Variants in LAMA3 observed in about 807,000 individuals in gnomAD.
The protein encoded by LAMA3 is laminin subunit alpha-3.
Under a neutral mutation model 402.0 loss-of-function variants are expected in LAMA3, and 281 were observed. The observed-to-expected ratio is 0.70, with a 90% CI of 0.63 to 0.77. LAMA3 has a LOEUF of 0.77. Among genes scored for constraint, LAMA3 ranks in the 30% least tolerant of loss-of-function variants. The pLI is 0.00. For synonymous variants in LAMA3, 1,431 were observed against 1,558.4 expected (o/e 0.92, Z 1.93); for missense variants, 3,840 against 4,215.5 (o/e 0.91, Z 2.47).
intron 67 of LAMA3, 38 bp downstream of exon 67, chr18:23,933,973 C>T: frequency 1.9e-6 from 3 of 1,602,632 alleles, no homozygotes; most frequent in Non-Finnish European, 2.6e-6. Flanking sequence ...TCCCTCTTCC[C>T]TGGAGGATTC....
chr18:23,888,307 A>C (rs1238147951), intron 41 of LAMA3, among the ~76,000 whole-genome samples: 1 of 152,198 alleles, frequency 6.6e-6, no homozygotes, highest in Non-Finnish European at 1.5e-5. Context: ...GAAGATGAAT[A>C]TTTTGTCATG....
chr18:23,798,835 A>G (rs1156361469), intron 12 of LAMA3, among the ~76,000 whole-genome samples: 3 of 152,202 alleles, frequency 2.0e-5, no homozygotes, highest in Admixed American at 6.5e-5. Flanking sequence ...CATGGGCAAT[A>G]AGAGCATCCC....
chr18:23,846,570 G>C, intron 31 of LAMA3, 62 bp downstream of exon 31: 3 of 1,460,418 alleles, frequency 2.1e-6, no homozygotes, highest in Non-Finnish European at 2.8e-6. Context: ...ATGCTTACCA[G>C]GAGCAGGCTT....
At position 23,826,717 on chromosome 18, in the gene LAMA3, C is replaced by G; in HGVS notation, c.2587C>G (p.Leu863Val). The part of the protein sequence containing the change: ...EGVLLDYLVL[L>V]PRDYYEASVL... The stretch of plus-strand genomic sequence containing the variant: ...TATTTTCTAGGATTACCTGGTGCTG[C>G]TCCCCAGGGACTACTATGAAGCCTC... Residue 863 changes from leucine (L) to valine (V), a missense_variant, in exon 22 of 75, where the codon CTC becomes GTC. Physicochemically the swap from Leu to Val is conservative, Grantham distance 32. Transcript: ENST00000313654. 6.4e-7 allele frequency: 1 copy of G among 1,559,580 alleles called. No individual in the cohort carries two copies. Among genetic ancestry groups the G allele is most frequent in the Non-Finnish European group, 8.7e-7 (1 of 1,149,868 alleles).
intron 34 of LAMA3, among the ~76,000 whole-genome samples, chr18:23,859,317 A>G (rs2064159639): frequency 6.6e-6 from 1 of 152,186 alleles, no homozygotes; most frequent in South Asian, 2.1e-4. Flanking sequence ...TGATTCTCCC[A>G]GACACTCCGG....
intron 7 of LAMA3, among the ~76,000 whole-genome samples, chr18:23,762,457 C>T (rs2061988028): frequency 6.6e-6 from 1 of 151,444 alleles, no homozygotes; most frequent in African/African-American, 2.4e-5. Flanking sequence ...GGTGTGGTGG[C>T]TGGTGCCTGT....
At chr18:23,939,152 G>A (rs921260363) in intron 67 of LAMA3, 71 bp from the exon 68 acceptor site, 53 of 1,477,000 alleles carry the variant, frequency 3.6e-5, no homozygotes, top group Non-Finnish European at 4.4e-5. Flanking sequence ...TGAAAATTAA[G>A]CAATGTACTT....
chr18:23,726,307 C>T (rs969193020), intron 2 of LAMA3, among the ~76,000 whole-genome samples: 48 of 152,352 alleles, frequency 3.2e-4, no homozygotes, highest in Middle Eastern at 3.4e-3. Flanking sequence ...AGGGCAAGAG[C>T]GCCCAGCCAG....
intron 27 of LAMA3, among the ~76,000 whole-genome samples, chr18:23,840,850 A>AT (rs1193100237): frequency 6.6e-6 from 1 of 152,220 alleles, no homozygotes; most frequent in African/African-American, 2.4e-5. Flanking sequence ...TGAATTTCAG[A>AT]TTTTGGAATA....
intron 40 of LAMA3, among the ~76,000 whole-genome samples, chr18:23,882,575 A>G (rs1031379869): frequency 6.6e-6 from 1 of 150,596 alleles, no homozygotes. Flanking sequence ...GTACCACTGC[A>G]CTCCAGCCTG....
intron 29 of LAMA3, among the ~76,000 whole-genome samples, chr18:23,844,485 G>A (rs982690698): frequency 3.3e-5 from 5 of 152,206 alleles, no homozygotes; most frequent in African/African-American, 1.2e-4. Context: ...TTAAGGTCCC[G>A]TGACCCAGCC....
intron 22 of LAMA3, 76 bp from the exon 23 acceptor site, chr18:23,827,238 T>C: frequency 4.2e-6 from 6 of 1,440,914 alleles, no homozygotes; most frequent in Non-Finnish European, 5.9e-6. Context: ...TGAGAGTCTT[T>C]GGGGATGTAC....
chr18:23,740,159 C>T (rs1484026312), intron 2 of LAMA3, among the ~76,000 whole-genome samples: 9 of 152,086 alleles, frequency 5.9e-5, no homozygotes, highest in South Asian at 4.2e-4. Flanking sequence ...TGTTGGGTTC[C>T]GGCAGACCTC....
At position 23,747,962 on chromosome 18, in the gene LAMA3, T is replaced by C. The variant is rs780635647; in HGVS notation, c.467T>C (p.Ile156Thr). 6.2e-7 allele frequency: 1 copy of C among 1,603,812 alleles called. No homozygotes were observed. The highest frequency in any genetic ancestry group is 1.1e-5 in the South Asian group (1 of 90,862). ...DLGQLFHVAYILIKFANSPRP... is the reference protein window; with the variant it reads ...DLGQLFHVAYTLIKFANSPRP... ...TATCAGCTCTTCCATGTGGCCTATATTTTAATCAAATTTGCAAATTCTCCT... is the reference window on the plus strand; with the variant it reads ...TATCAGCTCTTCCATGTGGCCTATACTTTAATCAAATTTGCAAATTCTCCT... Residue 156 changes from isoleucine (I) to threonine (T), a missense_variant, in exon 3 of 75, where the codon ATT (isoleucine) becomes ACT (threonine). Ile to Thr is a moderately conservative substitution (Grantham distance 89). Coordinates refer to ENST00000313654, the MANE Select transcript of LAMA3 (RefSeq NM_198129.4).
intron 6 of LAMA3, among the ~76,000 whole-genome samples, chr18:23,755,055 CT>C (rs894824001): frequency 2.0e-5 from 3 of 152,202 alleles, no homozygotes; most frequent in Non-Finnish European, 2.9e-5. Flanking sequence ...AATGATTAAA[CT>C]TTAGTGGAAA....
intron 1 of LAMA3, among the ~76,000 whole-genome samples, chr18:23,696,995 C>A (rs900056770): frequency 6.6e-6 from 1 of 152,160 alleles, no homozygotes; most frequent in Non-Finnish European, 1.5e-5. Context: ...CTGAAGCAAG[C>A]CACAGTAGAA....
intron 12 of LAMA3, among the ~76,000 whole-genome samples, chr18:23,797,098 C>A (rs972510463): frequency 5.9e-5 from 9 of 152,152 alleles, no homozygotes; most frequent in Non-Finnish European, 1.2e-4. Flanking sequence ...CCTGCCCATG[C>A]TTAAGAGCTG....
At chr18:23,883,215 A>T (rs2064959869) in intron 40 of LAMA3, among the ~76,000 whole-genome samples, 1 of 152,160 alleles carries the variant, frequency 6.6e-6, no homozygotes, top group Non-Finnish European at 1.5e-5. Context: ...CCTCAGTGCG[A>T]TGGAAATTTT....
intron 64 of LAMA3, among the ~76,000 whole-genome samples, chr18:23,930,604 C>T (rs561489400): frequency 2.8e-4 from 43 of 152,080 alleles, no homozygotes; most frequent in East Asian, 3.9e-4. Flanking sequence ...CAAACTTAGC[C>T]GGCTGTGGTG....
Sources: gnomAD v4.1 joint callset for allele counts (sites outside exome capture counted in the v4.1 genomes callset) on GRCh38, gnomAD v4.1.1 for gene constraint, MANE v1.5 for transcripts, NCBI Gene and HGNC (gene_info 2026-07-23, HGNC 2026-07-21) for gene names.